The following CEPT1 variants were observed in gnomAD, a reference collection of about 807,000 sequenced individuals.
CEPT1 encodes choline/ethanolaminephosphotransferase 1.
Under a neutral mutation model 42.6 loss-of-function variants are expected in CEPT1, and 7 were observed. The ratio of observed to expected loss-of-function variants is 0.16; its 90% confidence interval spans 0.09 to 0.31. The LOEUF is 0.31. CEPT1 is among the 10% of genes least tolerant of loss of function. The pLI is 1.00. For missense variants in CEPT1, 306 were observed against 502.1 expected (o/e 0.61, Z 3.73); for synonymous variants, 171 against 171.9 (o/e 0.99, Z 0.04).
intron 4 of CEPT1, among the ~76,000 whole-genome samples, chr1:111,170,280 C>T (rs1446832530): frequency 6.6e-6 from 1 of 152,118 alleles, no homozygotes; most frequent in Non-Finnish European, 1.5e-5. Context: ...TCTATTCTAG[C>T]CTTTGGCTAT....
intron 4 of CEPT1, among the ~76,000 whole-genome samples, chr1:111,164,124 T>C (rs965140526): frequency 6.6e-6 from 1 of 152,230 alleles, no homozygotes; most frequent in African/African-American, 2.4e-5. Flanking sequence ...CTATTAAGTT[T>C]GCTTATAGTA....
intron 4 of CEPT1, among the ~76,000 whole-genome samples, chr1:111,163,767 T>C (rs563293449): frequency 1.3e-5 from 2 of 151,456 alleles, no homozygotes; most frequent in African/African-American, 4.8e-5. Context: ...GCAGTTTGTA[T>C]GCATGGAGGA....
rs546438290 is a variant in CEPT1 at position 111,182,780 on chromosome 1, T to C, written c.847-19T>C. 1.9e-6 allele frequency: 3 copies of C among 1,601,166 alleles called. No individual in the cohort carries two copies. The highest frequency in any genetic ancestry group is 3.4e-5 in the Admixed American group (2 of 58,760). ...GATGAGTACTGAATACTATTAACTC[T>C]TCTCTTCACTCTGTACAGGGAACAA... On this transcript the variant is annotated intron_variant, in intron 6 of 8. Transcript: ENST00000357172.
intron 4 of CEPT1, among the ~76,000 whole-genome samples, chr1:111,162,236 G>C (rs372357665): frequency 1.3e-5 from 2 of 152,224 alleles, no homozygotes; most frequent in South Asian, 2.1e-4. Context: ...AAGGCAGAGG[G>C]TAAATTGTAG....
rs1655053656 is a variant in CEPT1 at position 111,147,789 on chromosome 1, G to C, written c.75G>C (p.Met25Ile). The stretch of plus-strand genomic sequence containing the variant: ...AGTCCCCAGTGGGCTTCGGGCATAT[G>C]AGTACTACAGGATGTGTATTAAATA... Reference protein sequence around the residue: ...HPESPVGFGHMSTTGCVLNKL... With the variant: ...HPESPVGFGHISTTGCVLNKL... The change falls in exon 2 of 9, where the codon ATG becomes ATC. Residue 25 changes from methionine (M) to isoleucine (I), a missense_variant. Coordinates refer to ENST00000357172, the MANE Select transcript of CEPT1 (RefSeq NM_006090.5). 6.2e-7 allele frequency: 1 copy of C among 1,614,104 alleles called. No individual in the cohort carries two copies. Among genetic ancestry groups the C allele is most frequent in the South Asian group, 1.1e-5 (1 of 91,078 alleles).
At position 111,160,980 on chromosome 1, in the gene CEPT1, A is replaced by G. The variant is rs1655841388; in HGVS notation, c.488-175A>G. 4.7e-6 allele frequency: 3 copies of G among 635,720 alleles called. No individual in the cohort carries two copies. In the South Asian group the frequency reaches 6.1e-5, roughly 13 times the overall value. 39.4% of individuals were successfully genotyped at this position (635,720 alleles called of 1,614,324 possible). A position where few individuals can be genotyped will look rare whatever the true frequency, so the allele number is the denominator to read the frequency against. On this transcript the variant is annotated intron_variant, in intron 3 of 8. Transcript: ENST00000357172. ...AAAAAAAAAAAAAAAAGAGAGATTGAAATTATGGGGTAAGAGATTATGTAA... is the reference window on the plus strand; with the variant it reads ...AAAAAAAAAAAAAAAAGAGAGATTGGAATTATGGGGTAAGAGATTATGTAA...
At position 111,183,290 on chromosome 1, in the gene CEPT1, C is replaced by T. The variant is rs1657081611; in HGVS notation, c.1006-172C>T. 4.6e-5 allele frequency among the ~76,000 whole-genome samples: 7 copies of T among 152,188 alleles called. No individual in the cohort carries two copies. In the South Asian group the frequency reaches 8.3e-4, roughly 18 times the overall value. ...TTTTGTAGGGTTAGTTGACATGATACATCCCTTTCTTTCTCAGACGCATTT... is the reference window on the plus strand; with the variant it reads ...TTTTGTAGGGTTAGTTGACATGATATATCCCTTTCTTTCTCAGACGCATTT... On this transcript the variant is annotated intron_variant, in intron 7 of 8. Transcript: ENST00000357172.
chr1:111,164,692 C>T (rs1353977215), intron 4 of CEPT1, among the ~76,000 whole-genome samples: 2 of 151,946 alleles, frequency 1.3e-5, no homozygotes, highest in South Asian at 4.2e-4. Flanking sequence ...GGCACAACCT[C>T]GGCTCACTGC....
At chr1:111,163,462 C>CA (rs912203844) in intron 4 of CEPT1, among the ~76,000 whole-genome samples, 1 of 151,900 alleles carries the variant, frequency 6.6e-6, no homozygotes, top group African/African-American at 2.4e-5. Flanking sequence ...CTGGTCTCTA[C>CA]AAAAAAATTT....
At chr1:111,168,678 C>T (rs895580631) in intron 4 of CEPT1, among the ~76,000 whole-genome samples, 2 of 151,986 alleles carry the variant, frequency 1.3e-5, no homozygotes, top group African/African-American at 4.8e-5. Flanking sequence ...TTAGTAGAGA[C>T]GGGGTTTCAC....
chr1:111,156,549 C>CT (rs1402544983), intron 2 of CEPT1, among the ~76,000 whole-genome samples: 2 of 152,168 alleles, frequency 1.3e-5, no homozygotes, highest in South Asian at 2.1e-4. Flanking sequence ...ACATAAAACA[C>CT]TAACGATAGC....
At chr1:111,169,068 T>C (rs568231085) in intron 4 of CEPT1, among the ~76,000 whole-genome samples, 3 of 152,328 alleles carry the variant, frequency 2.0e-5, no homozygotes, top group South Asian at 2.1e-4. Flanking sequence ...ATAGTTGTTA[T>C]ACTATAATGT....
At chr1:111,144,821 G>A (rs1654865490) in intron 1 of CEPT1, among the ~76,000 whole-genome samples, 1 of 152,156 alleles carries the variant, frequency 6.6e-6, no homozygotes, top group East Asian at 1.9e-4. Flanking sequence ...TAGAAAATTT[G>A]GCTACTATGA....
At chr1:111,165,044 C>CTTTTTTTTTTTTTTTTT (rs11323094) in intron 4 of CEPT1, among the ~76,000 whole-genome samples, 1 of 83,972 alleles carries the variant, frequency 1.2e-5, no homozygotes, top group Non-Finnish European at 2.1e-5. Context: ...AAACATCGGT[C>CTTTTTTTTTTTTTTTTT]TTTTTTTTTT....
intron 2 of CEPT1, among the ~76,000 whole-genome samples, chr1:111,156,945 TATG>T (rs1354623138): frequency 1.3e-5 from 2 of 152,200 alleles, no homozygotes; most frequent in Admixed American, 6.5e-5. Flanking sequence ...ATTATTTGTT[TATG>T]TCAGTTCTTT....
chr1:111,142,803 C>T (rs1275868634), intron 1 of CEPT1, among the ~76,000 whole-genome samples: 2 of 152,046 alleles, frequency 1.3e-5, no homozygotes, highest in Non-Finnish European at 2.9e-5. Context: ...CAAAAAAACA[C>T]AAACAAACAA....
chr1:111,165,221 T>G (rs182997074), intron 4 of CEPT1, among the ~76,000 whole-genome samples: 3 of 151,740 alleles, frequency 2.0e-5, no homozygotes, highest in African/African-American at 7.2e-5. Context: ...GCTAATTTTT[T>G]GTATTTTTAG....
At position 111,184,332 on chromosome 1, in the gene CEPT1, ACAT is replaced by A. The variant is rs764621736; in HGVS notation, c.*26_*28del. The A allele has an allele frequency of 6.3e-6, 10 of 1,587,472 alleles. No individual in the cohort carries two copies. In the East Asian group the frequency reaches 2.3e-4, roughly 36 times the overall value. On this transcript the variant is annotated 3_prime_UTR_variant, in exon 9 of 9. Coordinates refer to ENST00000357172, the MANE Select transcript of CEPT1 (RefSeq NM_006090.5). ...TTAATGATGTAATTGGTATATAGGA[ACAT>A]CATGTTTTCTGCAGGAAAGAAAGTA...
Position 111,174,942 on chromosome 1 carries a change from A to C in CEPT1, c.693A>C (p.Gly231=). The change falls in exon 5 of 9, where the codon GGA becomes GGC. Residue 231 remains glycine, a synonymous_variant. Transcript: ENST00000357172. ...IIMHLLAVIG[G]PPFWQSMIPV... ...TGCATTTGCTGGCAGTGATTGGAGG[A>C]CCACCTTTTTGGCAATCTATGGTAA... is the stretch of plus-strand genomic sequence containing the variant. The C allele has an allele frequency of 6.2e-7, 1 of 1,610,872 alleles. No individual in the cohort carries two copies. The highest frequency in any genetic ancestry group is 8.5e-7 in the Non-Finnish European group (1 of 1,177,218).
Sources: gnomAD v4.1 joint callset for allele counts (sites outside exome capture counted in the v4.1 genomes callset) on GRCh38, gnomAD v4.1.1 for gene constraint, MANE v1.5 for transcripts, NCBI Gene and HGNC (gene_info 2026-07-23, HGNC 2026-07-21) for gene names.